Variants in COL4A1 observed in about 807,000 individuals in gnomAD.
COL4A1 encodes collagen type IV alpha 1 chain, also known as collagen alpha-1(IV) chain.
COL4A1 carries 40 observed loss-of-function variants against 216.6 expected under a neutral mutation model. That is an observed-to-expected ratio of 0.18 (90% CI 0.14 to 0.24). The LOEUF is 0.24. COL4A1 is among the 10% of genes least tolerant of loss of function. The probability of loss-of-function intolerance (pLI) is 1.00; values close to 1 mark genes in which losing one functional copy is unlikely to be tolerated. For synonymous variants in COL4A1, 839 were observed against 810.7 expected, an observed-to-expected ratio of 1.03 and a Z score of -0.59; for missense variants, 1,628 against 2,196.8, an observed-to-expected ratio of 0.74 and a Z score of 5.18.
intron 1 of COL4A1, chr13:110,265,699 G>A (rs1883001536): frequency 6.6e-6 from 1 of 152,226 alleles, no homozygotes; most frequent in Non-Finnish European, 1.5e-5. Flanking sequence ...CACGTAAAAC[G>A]GATTTGTTAT....
At chr13:110,212,722 C>T in intron 4 of COL4A1, 104 bp from the exon 5 acceptor site, 2 of 1,327,254 alleles carry the variant, frequency 1.5e-6, no homozygotes, top group Non-Finnish European at 2.2e-6. Context: ...TTTTTGGTGT[C>T]AGAACACACA....
intron 2 of COL4A1, among the ~76,000 whole-genome samples, chr13:110,230,638 C>T (rs1025147175): frequency 6.6e-6 from 1 of 152,184 alleles, no homozygotes; most frequent in Non-Finnish European, 1.5e-5. Flanking sequence ...CCACACCCTG[C>T]CCAGGTCCCT....
intron 22 of COL4A1, among the ~76,000 whole-genome samples, chr13:110,193,379 A>G (rs1878732482): frequency 6.6e-6 from 1 of 152,246 alleles, no homozygotes; most frequent in Non-Finnish European, 1.5e-5. Flanking sequence ...AAGCCACAAA[A>G]GCAAGAACAC....
chr13:110,224,629 T>G (rs1043860113), intron 2 of COL4A1, among the ~76,000 whole-genome samples: 4 of 152,210 alleles, frequency 2.6e-5, no homozygotes, highest in Admixed American at 2.6e-4. Flanking sequence ...GACCTAATTT[T>G]TTTTCTTATA....
intron 2 of COL4A1, among the ~76,000 whole-genome samples, chr13:110,240,325 C>T (rs933530323): frequency 1.3e-5 from 2 of 152,316 alleles, no homozygotes; most frequent in South Asian, 2.1e-4. Flanking sequence ...TGGCCTAGGT[C>T]CCTTGGTGGG....
At chr13:110,253,180 C>CGTATAACTATAT (rs1566417498) in intron 1 of COL4A1, among the ~76,000 whole-genome samples, 1 of 91,166 alleles carries the variant, frequency 1.1e-5, no homozygotes, top group Non-Finnish European at 2.1e-5. Flanking sequence ...ACTATATGTA[C>CGTATAACTATAT]GTATGTATTA....
At chr13:110,294,105 C>T (rs1594123520) in intron 1 of COL4A1, among the ~76,000 whole-genome samples, 1 of 152,068 alleles carries the variant, frequency 6.6e-6, no homozygotes, top group Admixed American at 6.5e-5. Flanking sequence ...GGAGACGAGC[C>T]CCCAATTTCT....
At chr13:110,253,960 G>T (rs1594093717) in intron 1 of COL4A1, among the ~76,000 whole-genome samples, 1 of 151,984 alleles carries the variant, frequency 6.6e-6, no homozygotes, top group Admixed American at 6.6e-5. Flanking sequence ...TGCGCTACAG[G>T]TTGAATATTC....
At chr13:110,167,301 T>C in intron 43 of COL4A1, 71 bp from the exon 44 acceptor site, 7 of 1,183,716 alleles carry the variant, frequency 5.9e-6, no homozygotes, top group South Asian at 1.2e-5. Flanking sequence ...AACCTGCTAG[T>C]TGGAAAATGG....
At chr13:110,285,155 A>C (rs563490693) in intron 1 of COL4A1, among the ~76,000 whole-genome samples, 1 of 152,384 alleles carries the variant, frequency 6.6e-6, no homozygotes, top group East Asian at 1.9e-4. Flanking sequence ...GTTATTTTCA[A>C]AATGAAAGAC....
At chr13:110,234,237 T>C in intron 2 of COL4A1, among the ~76,000 whole-genome samples, 1 of 152,036 alleles carries the variant, frequency 6.6e-6, no homozygotes, top group East Asian at 1.9e-4. Flanking sequence ...AGAATCAAGG[T>C]TTTATCCACC....
chr13:110,270,421 G>C (rs1449375268), intron 1 of COL4A1, among the ~76,000 whole-genome samples: 6 of 152,204 alleles, frequency 3.9e-5, no homozygotes, highest in Admixed American at 3.9e-4. Flanking sequence ...AAGGACCCAA[G>C]GTTCTGATGC....
intron 1 of COL4A1, among the ~76,000 whole-genome samples, chr13:110,293,738 G>A (rs1594123253): frequency 6.6e-6 from 1 of 152,200 alleles, no homozygotes; most frequent in Non-Finnish European, 1.5e-5. Flanking sequence ...AAAAGGCTCT[G>A]TAACCTAGCA....
intron 1 of COL4A1, among the ~76,000 whole-genome samples, chr13:110,263,219 C>G (rs367718556): frequency 6.6e-6 from 1 of 152,192 alleles, no homozygotes; most frequent in Non-Finnish European, 1.5e-5. Context: ...GAATTCACGA[C>G]GGCCTTGGCC....
At chr13:110,176,118 G>A (rs1483588267) in intron 36 of COL4A1, among the ~76,000 whole-genome samples, 1 of 152,234 alleles carries the variant, frequency 6.6e-6, no homozygotes, top group African/African-American at 2.4e-5. Flanking sequence ...GGATGGAGAA[G>A]CCGTCGTCTC....
intron 1 of COL4A1, among the ~76,000 whole-genome samples, chr13:110,289,264 T>C (rs941533562): frequency 2.0e-5 from 3 of 151,764 alleles, no homozygotes; most frequent in African/African-American, 7.3e-5. Context: ...AGGGCTGGAG[T>C]GATGAGTTCC....
chr13:110,208,446 C>A (rs905729894), intron 12 of COL4A1, among the ~76,000 whole-genome samples: 13 of 152,090 alleles, frequency 8.5e-5, no homozygotes, highest in African/African-American at 2.9e-4. Flanking sequence ...GGCCGCTGCC[C>A]ACCGTGCTAC....
intron 28 of COL4A1, among the ~76,000 whole-genome samples, chr13:110,182,608 G>A (rs926041342): frequency 1.3e-5 from 2 of 152,162 alleles, no homozygotes; most frequent in African/African-American, 2.4e-5. Context: ...CGGAGCAAAG[G>A]CCCCTCCCTG....
intron 2 of COL4A1, among the ~76,000 whole-genome samples, chr13:110,227,632 C>T (rs1880803187): frequency 6.6e-6 from 1 of 151,892 alleles, no homozygotes; most frequent in Non-Finnish European, 1.5e-5. Context: ...CAGCCATGCA[C>T]CCTGAAATGG....
Sources: allele counts gnomAD v4.1 joint callset (sites outside exome capture counted in the v4.1 genomes callset), GRCh38; gene constraint gnomAD v4.1.1; transcripts MANE v1.5; gene names NCBI Gene and HGNC (gene_info 2026-07-23, HGNC 2026-07-21).